Variants in NREP observed in about 807,000 individuals in gnomAD.
NREP encodes neuronal regeneration-related protein.
A neutral mutation model predicts 8.6 loss-of-function variants in NREP; 5 were observed. The observed-to-expected ratio is 0.58, with a 90% CI of 0.30 to 1.22. The LOEUF (loss-of-function observed/expected upper bound fraction) is 1.22, where lower values mean the gene tolerates loss of function less well. Ranked by LOEUF, NREP falls within the 50% of genes most tolerant of loss-of-function variation. NREP has a pLI of 0.07. For missense variants in NREP, 86 were observed against 82.5 expected (o/e 1.04, Z -0.17); for synonymous variants, 27 against 28.0 (o/e 0.96, Z 0.11).
Position 111,782,874 on chromosome 5 carries a change from A to G in NREP, c.136-47367T>C, listed in dbSNP as rs139320695. On this transcript the variant is annotated intron_variant, in intron 2 of 3. Coordinates refer to the NREP transcript ENST00000395634. The stretch of plus-strand genomic sequence containing the variant: ...CTCAGTCTCCCGAGTAGCTGTGATT[A>G]CAGTCATATGGCACCAAACCCGGCT... Among the ~76,000 whole-genome samples the G allele has an allele frequency of 3.4e-3, 515 of 152,022 alleles. 3 individuals carry two copies. The highest frequency in any genetic ancestry group is 4.6e-3 in the Non-Finnish European group (316 of 67,984).
intron 2 of NREP, among the ~76,000 whole-genome samples, chr5:111,884,001 C>T (rs2112520644): frequency 6.6e-6 from 1 of 151,990 alleles, no homozygotes; most frequent in Admixed American, 6.5e-5. Context: ...AATAGAGACA[C>T]AAAAAACCCT....
At chr5:111,750,243 CT>C (rs2112838132) in intron 2 of NREP, among the ~76,000 whole-genome samples, 1 of 152,262 alleles carries the variant, frequency 6.6e-6, no homozygotes, top group African/African-American at 2.4e-5. Flanking sequence ...TGGAATACTC[CT>C]CTCTCTCATC....
chr5:111,905,524 G>A (rs1028316217), intron 2 of NREP, among the ~76,000 whole-genome samples: 10 of 152,110 alleles, frequency 6.6e-5, no homozygotes, highest in Non-Finnish European at 1.5e-4. Context: ...AGAATAGACC[G>A]TGGCTTAAAT....
intron 2 of NREP, among the ~76,000 whole-genome samples, chr5:111,882,676 C>G (rs571195120): frequency 1.3e-5 from 2 of 152,300 alleles, no homozygotes; most frequent in South Asian, 4.2e-4. Context: ...GGCCAATATT[C>G]AACATTCTTA....
At chr5:111,757,690 G>A (rs1044449462), upstream of NREP, 57 of 984,038 alleles carry the variant, frequency 5.8e-5, no homozygotes, top group Middle Eastern at 5.2e-4. Flanking sequence ...GCGGCGCCCC[G>A]GGGAGACAAA....
chr5:111,956,093 C>T (rs1756308279), intron 2 of NREP, among the ~76,000 whole-genome samples: 1 of 151,954 alleles, frequency 6.6e-6, no homozygotes, highest in African/African-American at 2.4e-5. Flanking sequence ...TAAGAAGTTG[C>T]CAAGGAACAG....
At chr5:111,894,308 T>C (rs1754459059) in intron 2 of NREP, among the ~76,000 whole-genome samples, 1 of 152,120 alleles carries the variant, frequency 6.6e-6, no homozygotes, top group African/African-American at 2.4e-5. Flanking sequence ...TTGAAGAGAA[T>C]CAATTTAAGT....
chr5:111,757,392 C>G (rs1461730210), upstream of NREP: 6 of 966,836 alleles, frequency 6.2e-6, no homozygotes, highest in Non-Finnish European at 7.4e-6. Context: ...CGCTCTCTCT[C>G]CAAGAGTGTG....
intron 2 of NREP, among the ~76,000 whole-genome samples, chr5:111,807,496 T>C (rs1165758936): frequency 2.0e-5 from 3 of 152,182 alleles, no homozygotes; most frequent in African/African-American, 7.2e-5. Flanking sequence ...ATATATTCTA[T>C]TTTTAAAATT....
At chr5:111,849,390 T>C (rs879547648) in intron 2 of NREP, among the ~76,000 whole-genome samples, 2 of 151,996 alleles carry the variant, frequency 1.3e-5, no homozygotes, top group South Asian at 4.2e-4. Context: ...TAAAGAGAGG[T>C]GAGTCTTCAA....
At chr5:111,745,157 A>AAT (rs1321880472) in intron 2 of NREP, among the ~76,000 whole-genome samples, 2 of 152,250 alleles carry the variant, frequency 1.3e-5, no homozygotes, top group African/African-American at 4.8e-5. Context: ...AATAAACCCA[A>AAT]ATATATATAA....
chr5:111,843,241 T>C (rs1295300104), intron 2 of NREP, among the ~76,000 whole-genome samples: 1 of 151,934 alleles, frequency 6.6e-6, no homozygotes, highest in Non-Finnish European at 1.5e-5. Context: ...TTAAAATTTT[T>C]TGTTCTTTTT....
chr5:111,863,603 G>A (rs558111447), intron 2 of NREP, among the ~76,000 whole-genome samples: 2 of 152,174 alleles, frequency 1.3e-5, no homozygotes, highest in South Asian at 2.1e-4. Flanking sequence ...AAACAATAAC[G>A]AGTCTGAGAA....
intron 2 of NREP, among the ~76,000 whole-genome samples, chr5:111,881,478 G>T (rs2112515079): frequency 6.6e-6 from 1 of 152,280 alleles, no homozygotes; most frequent in South Asian, 2.1e-4. Context: ...AGAGAGCAGT[G>T]GTTCTCCCAG....
intron 2 of NREP, among the ~76,000 whole-genome samples, chr5:111,849,555 C>A (rs1197592407): frequency 6.6e-6 from 1 of 152,104 alleles, no homozygotes; most frequent in Admixed American, 6.6e-5. Flanking sequence ...AATTGGAAGA[C>A]AGCAAGATTG....
chr5:111,934,768 G>A (rs980016729), intron 2 of NREP, among the ~76,000 whole-genome samples: 3 of 152,110 alleles, frequency 2.0e-5, no homozygotes, highest in Non-Finnish European at 4.4e-5. Context: ...GCTAACACAG[G>A]TGGCTGAGCA....
intron 2 of NREP, among the ~76,000 whole-genome samples, chr5:111,786,409 T>C (rs1223158902): frequency 1.3e-5 from 2 of 152,218 alleles, no homozygotes; most frequent in South Asian, 2.1e-4. Flanking sequence ...AGTGTTCTTA[T>C]ATTAGTTAAA....
At chr5:111,957,695 G>GTA (rs368511077) in intron 2 of NREP, among the ~76,000 whole-genome samples, 72 of 150,384 alleles carry the variant, frequency 4.8e-4, no homozygotes, top group Admixed American at 4.0e-4. Flanking sequence ...TCATGTGTGT[G>GTA]TATATATATA....
intron 2 of NREP, among the ~76,000 whole-genome samples, chr5:111,889,862 G>T (rs1303060953): frequency 6.6e-6 from 1 of 151,842 alleles, no homozygotes; most frequent in Non-Finnish European, 1.5e-5. Context: ...GTTAAAGGGG[G>T]TTATTCTCTT....
Sources: allele counts gnomAD v4.1 joint callset (sites outside exome capture counted in the v4.1 genomes callset), GRCh38; gene constraint gnomAD v4.1.1; transcripts MANE v1.5; gene names NCBI Gene and HGNC (gene_info 2026-07-23, HGNC 2026-07-21).